The following CAPZB variants were observed in gnomAD, a reference collection of about 807,000 sequenced individuals.
CAPZB encodes capping actin protein of muscle Z-line subunit beta, also known as F-actin-capping protein subunit beta.
CAPZB carries 2 observed loss-of-function variants against 38.1 expected under a neutral mutation model. The ratio of observed to expected loss-of-function variants is 0.05; its 90% CI spans 0.02 to 0.17. The LOEUF (loss-of-function observed/expected upper bound fraction) is 0.17, where lower values mean the gene tolerates loss of function less well. Ranked by LOEUF, CAPZB falls within the 10% of genes least tolerant of loss-of-function variation. The pLI is 1.00. For missense variants in CAPZB, 161 were observed against 334.2 expected (o/e 0.48, Z 4.04); for synonymous variants, 107 against 127.4 (o/e 0.84, Z 1.08).
intron 1 of CAPZB, among the ~76,000 whole-genome samples, chr1:19,483,065 G>A (rs1430642477): frequency 6.6e-6 from 1 of 152,158 alleles, no homozygotes; most frequent in Non-Finnish European, 1.5e-5. Flanking sequence ...CACGGATACA[G>A]CTGCGGAAAA....
At chr1:19,410,226 C>A (rs574803725) in intron 2 of CAPZB, among the ~76,000 whole-genome samples, 1 of 152,268 alleles carries the variant, frequency 6.6e-6, no homozygotes, top group South Asian at 2.1e-4. Context: ...AGCCTGTGCT[C>A]CAGCATAAAT....
At chr1:19,403,112 C>T (rs1032569343) in intron 2 of CAPZB, among the ~76,000 whole-genome samples, 3 of 152,158 alleles carry the variant, frequency 2.0e-5, no homozygotes, top group African/African-American at 4.8e-5. Flanking sequence ...TGGCTCCCAC[C>T]GTGGCTATGA....
intron 1 of CAPZB, among the ~76,000 whole-genome samples, chr1:19,436,199 G>T (rs144453137): frequency 1.4e-4 from 21 of 152,116 alleles, no homozygotes; most frequent in Non-Finnish European, 1.9e-4. Context: ...TAAATTTCAC[G>T]CCGTTCTGCG....
At chr1:19,458,285 T>C (rs1364552841) in intron 1 of CAPZB, among the ~76,000 whole-genome samples, 1 of 152,238 alleles carries the variant, frequency 6.6e-6, no homozygotes, top group South Asian at 2.1e-4. Context: ...TTAATACTTT[T>C]ATGAAAGTAT....
At chr1:19,377,960 C>G (rs1004854448) in intron 4 of CAPZB, among the ~76,000 whole-genome samples, 1 of 152,222 alleles carries the variant, frequency 6.6e-6, no homozygotes, top group Non-Finnish European at 1.5e-5. Context: ...CTGCACTTAT[C>G]TTGGCCTGAG....
intron 1 of CAPZB, among the ~76,000 whole-genome samples, chr1:19,450,066 C>A (rs954095174): frequency 2.7e-5 from 4 of 146,542 alleles, no homozygotes; most frequent in Non-Finnish European, 5.9e-5. Context: ...ACTGCTTGAG[C>A]CCAGGAGGTG....
intron 1 of CAPZB, among the ~76,000 whole-genome samples, chr1:19,463,831 T>C (rs913845009): frequency 1.3e-5 from 2 of 152,154 alleles, no homozygotes; most frequent in African/African-American, 4.8e-5. Context: ...TCACCCTCTA[T>C]GTTAAAAAGA....
chr1:19,462,900 A>C (rs1216341772), intron 1 of CAPZB, among the ~76,000 whole-genome samples: 2 of 152,222 alleles, frequency 1.3e-5, no homozygotes, highest in Non-Finnish European at 2.9e-5. Flanking sequence ...TCAGTTCCTC[A>C]ATCACACTAG....
chr1:19,384,639 G>C (rs909215992), intron 3 of CAPZB, among the ~76,000 whole-genome samples: 2 of 152,142 alleles, frequency 1.3e-5, no homozygotes, highest in Non-Finnish European at 2.9e-5. Flanking sequence ...TCTCCAAAGA[G>C]AGCATCAGGG....
intron 1 of CAPZB, among the ~76,000 whole-genome samples, chr1:19,475,203 C>T (rs1483928717): frequency 6.6e-6 from 1 of 152,184 alleles, no homozygotes; most frequent in Non-Finnish European, 1.5e-5. Context: ...TAAAATCCAT[C>T]AGAAATATCT....
chr1:19,447,109 C>A (rs1211836989), intron 1 of CAPZB, among the ~76,000 whole-genome samples: 5 of 152,090 alleles, frequency 3.3e-5, no homozygotes, highest in African/African-American at 1.2e-4. Flanking sequence ...GGAGGTGTGC[C>A]CATCCCAGCC....
At chr1:19,438,584 C>T (rs1242112782) in intron 1 of CAPZB, among the ~76,000 whole-genome samples, 1 of 152,192 alleles carries the variant, frequency 6.6e-6, no homozygotes, top group East Asian at 1.9e-4. Context: ...TGAGGCTTCC[C>T]GCCACTCAGA....
At chr1:19,411,959 G>A (rs746150150) in intron 2 of CAPZB, among the ~76,000 whole-genome samples, 4 of 152,130 alleles carry the variant, frequency 2.6e-5, no homozygotes, top group Non-Finnish European at 5.9e-5. Context: ...GGCAGGAAAC[G>A]CCAGCTTGGC....
chr1:19,461,050 T>C (rs888328808), intron 1 of CAPZB, among the ~76,000 whole-genome samples: 2 of 134,374 alleles, frequency 1.5e-5, no homozygotes, highest in African/African-American at 5.4e-5. Context: ...AGATGCAAGC[T>C]TCAAGTAGGC....
Position 19,468,585 on chromosome 1 carries a change from A to AGCAGG in CAPZB, c.3+16846_3+16850dup, listed in dbSNP as rs943317919. Among the ~76,000 whole-genome samples the AGCAGG allele has an allele frequency of 4.1e-4, 63 of 152,204 alleles. 1 individual carries two copies. The South Asian group carries it at 0.01, about 25-fold the overall frequency. ...GGTGGGGCGGAGCAGGGCAGGGCAG[A>AGCAGG]GCAGGGCAGGGCAGGAGAGTGTACT... On this transcript the variant is annotated intron_variant, in intron 1 of 8. Coordinates refer to ENST00000264202, the MANE Select transcript of CAPZB (RefSeq NM_004930.5).
intron 4 of CAPZB, among the ~76,000 whole-genome samples, chr1:19,358,601 G>C (rs190965940): frequency 6.6e-6 from 1 of 152,244 alleles, no homozygotes; most frequent in Admixed American, 6.5e-5. Context: ...CGTGAGCAGA[G>C]GTGAGGGGTG....
chr1:19,345,197 C>T lies in CAPZB; in HGVS notation c.644G>A (p.Arg215His), dbSNP rs1018612131. 6.8e-6 allele frequency: 11 copies of T among 1,613,678 alleles called. No individual in the cohort carries two copies. The Admixed American group carries it at 1.2e-4, about 17-fold the overall frequency. Residue 215 changes from arginine to histidine, a missense_variant, in exon 7 of 9, where the codon CGC (arginine) becomes CAC (histidine). Transcript: ENST00000264202. ...GCCCAGGTCACTCACCTCTACCAGG[C>T]GCCCGATGTTGGCTATGTGTGGGGA... ...DCSPHIANIG[R>H]LVEDMENKIR...
intron 6 of CAPZB, among the ~76,000 whole-genome samples, chr1:19,355,207 CACT>C (rs1410302686): frequency 6.6e-6 from 1 of 152,068 alleles, no homozygotes; most frequent in Admixed American, 6.5e-5. Context: ...AGATTTACTA[CACT>C]GGGCCGGGTG....
At chr1:19,421,185 G>A (rs1472462686) in intron 1 of CAPZB, among the ~76,000 whole-genome samples, 1 of 152,172 alleles carries the variant, frequency 6.6e-6, no homozygotes, top group African/African-American at 2.4e-5. Context: ...AATACACAAA[G>A]TAATCCTCAA....
Sources: gnomAD v4.1 joint callset for allele counts (sites outside exome capture counted in the v4.1 genomes callset) on GRCh38, gnomAD v4.1.1 for gene constraint, MANE v1.5 for transcripts, NCBI Gene and HGNC (gene_info 2026-07-23, HGNC 2026-07-21) for gene names.